PCDH9: variants seen among roughly 807,000 people sequenced by gnomAD.
PCDH9 encodes protocadherin-9.
PCDH9 carries 24 observed loss-of-function variants against 70.6 expected under a neutral mutation model. The observed-to-expected ratio is 0.34, with a 90% CI of 0.25 to 0.48. The LOEUF is 0.48. PCDH9 is among the 20% of genes least tolerant of loss of function. The pLI, the probability that PCDH9 is intolerant of heterozygous loss-of-function variation, is 0.99. For missense variants in PCDH9, 1,281 were observed against 1,503.6 expected (o/e 0.85, Z 2.45); for synonymous variants, 562 against 558.5 (o/e 1.01, Z -0.09).
chr13:66,464,764 C>T (rs1326876572), intron 4 of PCDH9, among the ~76,000 whole-genome samples: 1 of 151,784 alleles, frequency 6.6e-6, no homozygotes, highest in African/African-American at 2.4e-5. Flanking sequence ...TTGGGTAGTA[C>T]TTTTATGAAA....
At chr13:67,136,110 G>C (rs146004817) in intron 2 of PCDH9, among the ~76,000 whole-genome samples, 3 of 152,238 alleles carry the variant, frequency 2.0e-5, no homozygotes, top group Non-Finnish European at 4.4e-5. Context: ...CATAAGATTA[G>C]AATACTGTAT....
chr13:67,149,862 T>C lies in PCDH9; in HGVS notation c.3036+75543A>G, dbSNP rs1385995852. 2.6e-5 allele frequency among the ~76,000 whole-genome samples: 4 copies of C among 152,170 alleles called. No individual in the cohort carries two copies. The East Asian group carries it at 7.7e-4, about 29-fold the overall frequency. ...GTTTAATCGTTATGAACACCCCATA[T>C]GGTATTTTTAATCCCCATTTTGCAA... On this transcript the variant is annotated intron_variant, in intron 2 of 4. Transcript: ENST00000377865.
intron 3 of PCDH9, among the ~76,000 whole-genome samples, chr13:66,758,741 C>T (rs920077497): frequency 2.6e-5 from 4 of 151,834 alleles, no homozygotes; most frequent in African/African-American, 7.3e-5. Context: ...ACAGTGATGC[C>T]GTCAAATTCT....
chr13:66,397,547 ATATATATGTG>A (rs1957123347), intron 4 of PCDH9, among the ~76,000 whole-genome samples: 1 of 150,064 alleles, frequency 6.7e-6, no homozygotes, highest in African/African-American at 2.4e-5. Context: ...ATATATGTCG[ATATATATGTG>A]TATATATGTA....
At chr13:66,924,162 G>A (rs1036789718) in intron 2 of PCDH9, among the ~76,000 whole-genome samples, 1 of 151,656 alleles carries the variant, frequency 6.6e-6, no homozygotes, top group Non-Finnish European at 1.5e-5. Flanking sequence ...AACTATTCCT[G>A]TAATTTGTAA....
intron 3 of PCDH9, among the ~76,000 whole-genome samples, chr13:66,875,988 C>T (rs1399202092): frequency 1.3e-5 from 2 of 152,140 alleles, no homozygotes; most frequent in African/African-American, 4.8e-5. Context: ...TGAGTTTGGA[C>T]TTTAAATTTA....
At chr13:66,809,008 C>T (rs2080455428) in intron 3 of PCDH9, among the ~76,000 whole-genome samples, 2 of 152,112 alleles carry the variant, frequency 1.3e-5, no homozygotes. Flanking sequence ...AGTGCGGTGG[C>T]GCTATCTCGG....
At chr13:67,133,372 T>C (rs2087153388) in intron 2 of PCDH9, among the ~76,000 whole-genome samples, 1 of 152,084 alleles carries the variant, frequency 6.6e-6, no homozygotes, top group African/African-American at 2.4e-5. Flanking sequence ...CATAATAAAA[T>C]ATGCTTCCTT....
At chr13:66,843,227 A>C (rs2081146607) in intron 3 of PCDH9, among the ~76,000 whole-genome samples, 1 of 152,218 alleles carries the variant, frequency 6.6e-6, no homozygotes, top group African/African-American at 2.4e-5. Context: ...AGACAGAGAC[A>C]GATGGAAAAG....
intron 2 of PCDH9, among the ~76,000 whole-genome samples, chr13:67,187,070 T>C (rs1192591010): frequency 6.6e-6 from 1 of 152,198 alleles, no homozygotes; most frequent in African/African-American, 2.4e-5. Flanking sequence ...TACAAATGCA[T>C]TAAGCCTTTC....
At position 67,177,288 on chromosome 13, in the gene PCDH9, A is replaced by G. The variant is rs1425703371; in HGVS notation, c.3036+48117T>C. Among the ~76,000 whole-genome samples the G allele has an allele frequency of 2.0e-5, 3 of 151,990 alleles. No individual in the cohort carries two copies. The East Asian group carries it at 5.8e-4, about 29-fold the overall frequency. On this transcript the variant is annotated intron_variant, in intron 2 of 4. Transcript: ENST00000377865. ...CCCCCTGCCACCTGTCATTTCTCCA[A>G]GCTTCCATATCTTCTCCTCCCTTTC...
intron 4 of PCDH9, among the ~76,000 whole-genome samples, chr13:66,474,587 C>T (rs1958684804): frequency 6.6e-6 from 1 of 151,994 alleles, no homozygotes; most frequent in Non-Finnish European, 1.5e-5. Context: ...TATCATAATA[C>T]AAACATTAAT....
intron 3 of PCDH9, among the ~76,000 whole-genome samples, chr13:66,805,945 A>G (rs1164983801): frequency 1.3e-5 from 2 of 152,046 alleles, no homozygotes; most frequent in Non-Finnish European, 2.9e-5. Flanking sequence ...ACCATCAATC[A>G]ACTCTAGAAA....
chr13:66,331,878 T>C (rs1955948945), intron 4 of PCDH9, among the ~76,000 whole-genome samples: 1 of 152,212 alleles, frequency 6.6e-6, no homozygotes, highest in African/African-American at 2.4e-5. Flanking sequence ...ATTTAGGAGA[T>C]AGGCTACAGA....
At chr13:66,512,815 TTTTTGTTTTG>T (rs749756361) in intron 4 of PCDH9, among the ~76,000 whole-genome samples, 44 of 152,180 alleles carry the variant, frequency 2.9e-4, no homozygotes, top group Admixed American at 5.2e-4. Context: ...TTTCTTTCTT[TTTTTGTTTTG>T]TTTTGTTTTG....
chr13:66,491,719 T>G (rs1400304751), intron 4 of PCDH9, among the ~76,000 whole-genome samples: 3 of 152,162 alleles, frequency 2.0e-5, no homozygotes, highest in Admixed American at 6.5e-5. Flanking sequence ...AAGCTTAACA[T>G]AGCATATGTG....
chr13:66,658,208 T>C (rs1360619108), intron 3 of PCDH9, among the ~76,000 whole-genome samples: 2 of 152,184 alleles, frequency 1.3e-5, no homozygotes, highest in Non-Finnish European at 2.9e-5. Context: ...TTGAATTTTT[T>C]GTGTTGAGTG....
At chr13:66,804,237 T>C (rs945322581) in intron 3 of PCDH9, among the ~76,000 whole-genome samples, 25 of 152,188 alleles carry the variant, frequency 1.6e-4, no homozygotes, top group African/African-American at 6.0e-4. Flanking sequence ...ATAATTCAGC[T>C]GTAAACTCAT....
At chr13:67,168,346 G>T (rs1321833075) in intron 2 of PCDH9, among the ~76,000 whole-genome samples, 4 of 151,980 alleles carry the variant, frequency 2.6e-5, no homozygotes, top group African/African-American at 9.7e-5. Flanking sequence ...ATAACCATGG[G>T]GAAATAAACA....
Sources: gnomAD v4.1 joint callset for allele counts (sites outside exome capture counted in the v4.1 genomes callset) on GRCh38, gnomAD v4.1.1 for gene constraint, MANE v1.5 for transcripts, NCBI Gene and HGNC (gene_info 2026-07-23, HGNC 2026-07-21) for gene names.